MEIS1: variants seen among roughly 807,000 people sequenced by gnomAD.
MEIS1 encodes the protein homeobox protein Meis1.
In MEIS1, 5 loss-of-function variants were observed where a neutral mutation model predicts 50.8. The ratio of observed to expected loss-of-function variants is 0.10; its 90% CI spans 0.05 to 0.21. The LOEUF (loss-of-function observed/expected upper bound fraction) is 0.21. Ranked by LOEUF, MEIS1 falls within the 10% of genes least tolerant of loss-of-function variation. The pLI, the probability that MEIS1 is intolerant of heterozygous loss-of-function variation, is 1.00. For missense variants in MEIS1, 318 were observed against 517.3 expected, an observed-to-expected ratio of 0.61 and a Z score of 3.74; for synonymous variants, 176 against 179.3, an observed-to-expected ratio of 0.98 and a Z score of 0.15.
intron 2 of MEIS1, chr2:66,439,256 T>C: frequency 9.6e-7 from 1 of 1,046,358 alleles, no homozygotes; most frequent in South Asian, 4.6e-5. Flanking sequence ...GGAATGTGCG[T>C]GGAGCTGAGG....
intron 8 of MEIS1, among the ~76,000 whole-genome samples, chr2:66,525,724 C>T (rs149230488): frequency 5.7e-4 from 87 of 152,276 alleles, no homozygotes; most frequent in African/African-American, 1.9e-3. Flanking sequence ...CTTGTGTGTT[C>T]GGGTGGGTGG....
chr2:66,492,969 C>G (rs1673308675), intron 7 of MEIS1, among the ~76,000 whole-genome samples: 1 of 152,142 alleles, frequency 6.6e-6, no homozygotes, highest in East Asian at 1.9e-4. Flanking sequence ...GACCTCCTAC[C>G]TTCATAAAGG....
At chr2:66,454,735 G>A (rs956846705) in intron 6 of MEIS1, 7 of 151,868 alleles carry the variant, frequency 4.6e-5, no homozygotes, top group African/African-American at 1.5e-4. Context: ...ACTAAGTTAC[G>A]GATGTAAAAT....
At chr2:66,463,225 A>G (rs1218554253) in intron 6 of MEIS1, among the ~76,000 whole-genome samples, 3 of 151,502 alleles carry the variant, frequency 2.0e-5, no homozygotes, top group Non-Finnish European at 4.4e-5. Context: ...TTTTCCCACT[A>G]ATAATCTTGA....
chr2:66,533,351 A>G (rs1674440020), intron 8 of MEIS1, among the ~76,000 whole-genome samples: 1 of 152,132 alleles, frequency 6.6e-6, no homozygotes, highest in Non-Finnish European at 1.5e-5. Context: ...TTTATAATAT[A>G]GAATATTTTC....
chr2:66,439,355 T>TC, intron 2 of MEIS1: 1 of 1,222,910 alleles, frequency 8.2e-7, no homozygotes, highest in Non-Finnish European at 1.0e-6. Context: ...GGACGTCCTT[T>TC]CCCCAAGTTA....
At chr2:66,496,691 A>T (rs1673413305) in intron 7 of MEIS1, among the ~76,000 whole-genome samples, 1 of 152,184 alleles carries the variant, frequency 6.6e-6, no homozygotes, top group Non-Finnish European at 1.5e-5. Flanking sequence ...GCCATGCCCT[A>T]GCTAAGCGAG....
intron 7 of MEIS1, among the ~76,000 whole-genome samples, chr2:66,487,088 C>T (rs898796313): frequency 3.9e-5 from 6 of 152,194 alleles, no homozygotes; most frequent in Non-Finnish European, 7.3e-5. Flanking sequence ...CCCTTTATTT[C>T]TTTCTCTTGC....
intron 7 of MEIS1, among the ~76,000 whole-genome samples, chr2:66,493,124 A>G (rs994912837): frequency 3.3e-5 from 5 of 152,244 alleles, no homozygotes; most frequent in African/African-American, 9.6e-5. Context: ...TTTAAATTCT[A>G]TAACACTAGT....
chr2:66,530,430 T>C (rs1034279327), intron 8 of MEIS1, among the ~76,000 whole-genome samples: 2 of 152,156 alleles, frequency 1.3e-5, no homozygotes, highest in Admixed American at 1.3e-4. Context: ...ATTAGTACCA[T>C]GGGGCCGGGT....
At chr2:66,449,177 C>G in intron 6 of MEIS1, among the ~76,000 whole-genome samples, 1 of 152,040 alleles carries the variant, frequency 6.6e-6, no homozygotes, top group East Asian at 1.9e-4. Flanking sequence ...AAAGATTTTC[C>G]AGATCCCAAG....
intron 7 of MEIS1, among the ~76,000 whole-genome samples, chr2:66,483,219 TTTTTTTTTTTGTC>T (rs1388220971): frequency 1.8e-4 from 21 of 117,282 alleles, no homozygotes; most frequent in African/African-American, 7.3e-4. Context: ...TATGCTTATT[TTTTTTTTTTTGTC>T]TTTTTTTTTT....
chr2:66,555,148 A>G (rs190178191), intron 9 of MEIS1, among the ~76,000 whole-genome samples: 5 of 152,276 alleles, frequency 3.3e-5, no homozygotes, highest in Admixed American at 1.3e-4. Context: ...GTCAGGTGTC[A>G]GTTAGATAAG....
At chr2:66,511,167 G>GC (rs1673820869) in intron 7 of MEIS1, among the ~76,000 whole-genome samples, 1 of 152,010 alleles carries the variant, frequency 6.6e-6, no homozygotes, top group African/African-American at 2.4e-5. Context: ...TGACTTTGAT[G>GC]CCAAGGCAAA....
intron 8 of MEIS1, among the ~76,000 whole-genome samples, chr2:66,543,437 T>C (rs1002061317): frequency 6.6e-6 from 1 of 152,182 alleles, no homozygotes; most frequent in East Asian, 1.9e-4. Context: ...CATGAGTTAT[T>C]CCCTTTCGCT....
intron 8 of MEIS1, among the ~76,000 whole-genome samples, chr2:66,536,784 A>G (rs1475382842): frequency 6.6e-6 from 1 of 152,222 alleles, no homozygotes; most frequent in African/African-American, 2.4e-5. Context: ...TAATGCATAA[A>G]AAGTGGGCAT....
intron 8 of MEIS1, among the ~76,000 whole-genome samples, chr2:66,528,011 T>C (rs1674299576): frequency 6.6e-6 from 1 of 151,484 alleles, no homozygotes; most frequent in Non-Finnish European, 1.5e-5. Flanking sequence ...AAAGCTGGAG[T>C]GAACAGAACA....
chr2:66,446,088 G>T (rs557401881), intron 6 of MEIS1, among the ~76,000 whole-genome samples: 4 of 152,194 alleles, frequency 2.6e-5, no homozygotes, highest in Non-Finnish European at 4.4e-5. Context: ...AGCGTGGGGC[G>T]AGGTCCCGGC....
intron 7 of MEIS1, among the ~76,000 whole-genome samples, chr2:66,498,174 G>T (rs1673456575): frequency 6.6e-6 from 1 of 152,116 alleles, no homozygotes; most frequent in Admixed American, 6.5e-5. Flanking sequence ...TGTTCAAATG[G>T]TGTACTCACT....
Sources: gnomAD v4.1 joint callset for allele counts (sites outside exome capture counted in the v4.1 genomes callset) on GRCh38, gnomAD v4.1.1 for gene constraint, MANE v1.5 for transcripts, NCBI Gene and HGNC (gene_info 2026-07-23, HGNC 2026-07-21) for gene names.